Variants in PLCL2 observed in about 807,000 individuals in gnomAD.
PLCL2 encodes the protein inactive phospholipase C-like protein 2.
Under a neutral mutation model 79.6 loss-of-function variants are expected in PLCL2, and 4 were observed. The ratio of observed to expected loss-of-function variants is 0.05; its 90% CI spans 0.02 to 0.11. PLCL2 has a LOEUF of 0.11. Among genes scored for constraint, PLCL2 ranks in the 10% least tolerant of loss-of-function variants. PLCL2 has a pLI of 1.00. For synonymous variants in PLCL2, 484 were observed against 457.7 expected (o/e 1.06, Z -0.73); for missense variants, 895 against 1,291.0 (o/e 0.69, Z 4.70).
chr3:17,016,814 A>T (rs1481150503), intron 3 of PLCL2, among the ~76,000 whole-genome samples: 2 of 152,232 alleles, frequency 1.3e-5, no homozygotes, highest in Admixed American at 1.3e-4. Context: ...ATAAAATCAC[A>T]TACCTGTTTC....
intron 3 of PLCL2, among the ~76,000 whole-genome samples, chr3:17,042,577 C>T (rs1166532950): frequency 6.6e-6 from 1 of 152,182 alleles, no homozygotes; most frequent in East Asian, 1.9e-4. Context: ...ATATTTGTAG[C>T]TTTTCACGCT....
At chr3:17,067,649 C>T (rs2065023328) in intron 4 of PLCL2, among the ~76,000 whole-genome samples, 1 of 152,232 alleles carries the variant, frequency 6.6e-6, no homozygotes, top group Non-Finnish European at 1.5e-5. Flanking sequence ...GCTCCCTTGG[C>T]AGCTTCCCAT....
chr3:16,928,073 C>A (rs1222697547), intron 1 of PLCL2, among the ~76,000 whole-genome samples: 1 of 152,200 alleles, frequency 6.6e-6, no homozygotes, highest in East Asian at 1.9e-4. Context: ...CATGACCAGC[C>A]AAAGGCTCTG....
chr3:17,082,139 GTTTTTTT>G (rs58877063), intron 5 of PLCL2, among the ~76,000 whole-genome samples: 2 of 101,334 alleles, frequency 2.0e-5, no homozygotes, highest in Admixed American at 1.1e-4. Flanking sequence ...CTCTTTCAGA[GTTTTTTT>G]TTTTTTTTTT....
At chr3:16,895,409 G>C (rs1194167735) in intron 1 of PLCL2, among the ~76,000 whole-genome samples, 1 of 151,978 alleles carries the variant, frequency 6.6e-6, no homozygotes, top group Non-Finnish European at 1.5e-5. Flanking sequence ...GTGAGGTAGG[G>C]TTAAAGATTT....
chr3:17,046,967 A>G (rs1477044211), intron 4 of PLCL2, among the ~76,000 whole-genome samples: 2 of 152,148 alleles, frequency 1.3e-5, no homozygotes, highest in African/African-American at 2.4e-5. Flanking sequence ...CTCATTCTCC[A>G]TATGGGGAAT....
At chr3:16,897,549 T>C (rs1438061835) in intron 1 of PLCL2, among the ~76,000 whole-genome samples, 1 of 152,248 alleles carries the variant, frequency 6.6e-6, no homozygotes. Context: ...AGAGAGGTGA[T>C]TGGATGTTTC....
Position 17,086,974 on chromosome 3 carries a change from A to T in PLCL2, c.3205-2759A>T, listed in dbSNP as rs2065226863. On this transcript the variant is annotated intron_variant, in intron 5 of 5. Transcript: ENST00000615277. ...GATACCAATACACATCTATTACAGT[A>T]GCCAAAATACAAAACTAACATCACC... Among the ~76,000 whole-genome samples, 4 of 152,356 alleles carry T rather than the reference A, an allele frequency of 2.6e-5. No homozygotes were observed. In the South Asian group the frequency reaches 6.2e-4, roughly 24 times the overall value.
At chr3:16,933,583 A>T (rs1038633420) in intron 1 of PLCL2, among the ~76,000 whole-genome samples, 2 of 152,300 alleles carry the variant, frequency 1.3e-5, no homozygotes, top group African/African-American at 2.4e-5. Flanking sequence ...GCTTTTTCAT[A>T]CACTGTAGCA....
intron 5 of PLCL2, among the ~76,000 whole-genome samples, chr3:17,084,831 T>C (rs967430967): frequency 3.9e-5 from 6 of 152,174 alleles, no homozygotes; most frequent in Admixed American, 2.6e-4. Flanking sequence ...TATTTAAAGG[T>C]GAGAAACTGA....
intron 1 of PLCL2, among the ~76,000 whole-genome samples, chr3:16,913,707 A>G (rs1376694172): frequency 6.6e-6 from 1 of 152,116 alleles, no homozygotes; most frequent in African/African-American, 2.4e-5. Context: ...ATGTATGTGT[A>G]TATATGTAAA....
At chr3:17,048,829 T>C (rs1183252800) in intron 4 of PLCL2, among the ~76,000 whole-genome samples, 1 of 152,168 alleles carries the variant, frequency 6.6e-6, no homozygotes, top group Non-Finnish European at 1.5e-5. Flanking sequence ...TTTAGTGCAA[T>C]ACCATAAACC....
At chr3:16,943,145 T>C (rs886167414) in intron 1 of PLCL2, among the ~76,000 whole-genome samples, 1 of 152,244 alleles carries the variant, frequency 6.6e-6, no homozygotes, top group African/African-American at 2.4e-5. Context: ...TTCTGACACG[T>C]TGACATAAAT....
chr3:17,078,079 G>A (rs1365726307), intron 5 of PLCL2, among the ~76,000 whole-genome samples: 1 of 152,118 alleles, frequency 6.6e-6, no homozygotes. Flanking sequence ...CCTCAGCCTA[G>A]CCTTTTAGCT....
At chr3:16,919,835 T>C (rs942186422) in intron 1 of PLCL2, among the ~76,000 whole-genome samples, 3 of 152,162 alleles carry the variant, frequency 2.0e-5, no homozygotes, top group Non-Finnish European at 2.9e-5. Flanking sequence ...GGAATCCTCA[T>C]TGCAAAGATT....
intron 1 of PLCL2, among the ~76,000 whole-genome samples, chr3:16,972,083 G>A (rs1045646210): frequency 3.9e-5 from 6 of 151,916 alleles, no homozygotes; most frequent in African/African-American, 1.2e-4. Context: ...ATACTGAATG[G>A]GCAAAAACTG....
At chr3:16,997,281 C>A (rs956472734) in intron 1 of PLCL2, among the ~76,000 whole-genome samples, 3 of 152,104 alleles carry the variant, frequency 2.0e-5, no homozygotes, top group Admixed American at 1.3e-4. Flanking sequence ...GACTGACCCA[C>A]ATAAAACAAT....
At chr3:16,965,260 C>T (rs79327471) in intron 1 of PLCL2, among the ~76,000 whole-genome samples, 40,806 of 152,010 alleles carry the variant, frequency 0.27, 5,964 homozygotes, top group East Asian at 0.55. Flanking sequence ...TTCCCAGCAC[C>T]GTTTATTAAA....
At chr3:17,088,889 T>C (rs1216618336) in intron 5 of PLCL2, among the ~76,000 whole-genome samples, 1 of 152,178 alleles carries the variant, frequency 6.6e-6, no homozygotes, top group Non-Finnish European at 1.5e-5. Context: ...ACCTATATCA[T>C]GTTATACTGC....
Sources: gnomAD v4.1 joint callset for allele counts (sites outside exome capture counted in the v4.1 genomes callset) on GRCh38, gnomAD v4.1.1 for gene constraint, MANE v1.5 for transcripts, NCBI Gene and HGNC (gene_info 2026-07-23, HGNC 2026-07-21) for gene names.